ZNF146: variants seen among roughly 807,000 people sequenced by gnomAD.
ZNF146 encodes the protein zinc finger protein OZF.
Under a neutral mutation model 22.2 loss-of-function variants are expected in ZNF146, and 9 were observed. The ratio of observed to expected loss-of-function variants is 0.41; its 90% CI spans 0.24 to 0.71. The LOEUF (loss-of-function observed/expected upper bound fraction) is 0.71. Ranked by LOEUF, ZNF146 falls within the 30% of genes least tolerant of loss-of-function variation. The probability of loss-of-function intolerance (pLI) is 0.34; values close to 1 mark genes in which losing one functional copy is unlikely to be tolerated. For missense variants in ZNF146, 194 were observed against 344.8 expected (o/e 0.56, Z 3.46); for synonymous variants, 108 against 119.2 (o/e 0.91, Z 0.61).
In ZNF146 at chr19:36,237,469, A is replaced by T; in HGVS notation, c.*150A>T. 1 of 925,350 alleles carries T rather than the reference A, an allele frequency of 1.1e-6. No homozygotes were observed. Among genetic ancestry groups the T allele is most frequent in the Non-Finnish European group, 1.6e-6 (1 of 635,562 alleles). The allele number at this position is 925,350 out of a possible 1,614,324, so 57.3% of individuals were successfully genotyped here. A position where few individuals can be genotyped will look rare whatever the true frequency, so the allele number is the denominator to read the frequency against. The stretch of plus-strand genomic sequence containing the variant: ...ACTTAAGGGACACCAGAAAATTTGT[A>T]CTGAAGAGAAAGACATGCATATGAT... On this transcript the variant is annotated 3_prime_UTR_variant, in exon 4 of 4. Coordinates refer to ENST00000443387, the MANE Select transcript of ZNF146 (RefSeq NM_007145.3).
chr19:36,233,845 G>T (rs1017987120), intron 3 of ZNF146, among the ~76,000 whole-genome samples: 8 of 152,174 alleles, frequency 5.3e-5, no homozygotes, highest in African/African-American at 1.7e-4. Flanking sequence ...GGAGACAGAT[G>T]CCTTCCTCTT....
intron 2 of ZNF146, among the ~76,000 whole-genome samples, chr19:36,222,867 G>GTATTTTAATTTTAATTTA (rs1375367589): frequency 1.5e-5 from 2 of 137,390 alleles, no homozygotes; most frequent in Non-Finnish European, 3.3e-5. Context: ...AGAAATAAGA[G>GTATTTTAATTTTAATTTA]GTTTTGTTTT....
rs2432041 is a variant in ZNF146, at chr19:36,218,949, C to T, written c.-855+754C>T. Among the ~76,000 whole-genome samples the T allele has an allele frequency of 0.021, 3,233 of 151,520 alleles. 344 individuals carry two copies. In the East Asian group the frequency reaches 0.34, roughly 16 times the overall value. On this transcript the variant is annotated intron_variant, in intron 2 of 3. Transcript: ENST00000443387. ...TTAGCCTCCCAAGTAGCTGGGACTA[C>T]GGGCGCCCACCACCACGTCCGGCTA...
intron 2 of ZNF146, among the ~76,000 whole-genome samples, chr19:36,220,506 A>T: frequency 6.6e-6 from 1 of 152,104 alleles, no homozygotes. Context: ...CTGGGACTAC[A>T]GGTGCATGCC....
chr19:36,221,846 A>G (rs1976854004), intron 2 of ZNF146, among the ~76,000 whole-genome samples: 1 of 151,434 alleles, frequency 6.6e-6, no homozygotes, highest in Non-Finnish European at 1.5e-5. Context: ...TACATAAAAG[A>G]TAGCATACCA....
intron 2 of ZNF146, among the ~76,000 whole-genome samples, chr19:36,223,073 C>T (rs931339290): frequency 6.6e-6 from 1 of 151,846 alleles, no homozygotes; most frequent in East Asian, 1.9e-4. Context: ...TCCCAAGTAG[C>T]GGGGACTACA....
At chr19:36,221,013 T>C (rs1976812401) in intron 2 of ZNF146, among the ~76,000 whole-genome samples, 1 of 151,140 alleles carries the variant, frequency 6.6e-6, no homozygotes, top group Non-Finnish European at 1.5e-5. Flanking sequence ...CCATGACGCC[T>C]AGCTAATTTT....
At chr19:36,222,087 A>G (rs1481444736) in intron 2 of ZNF146, among the ~76,000 whole-genome samples, 1 of 151,168 alleles carries the variant, frequency 6.6e-6, no homozygotes, top group African/African-American at 2.4e-5. Context: ...ACTCCACCAC[A>G]CCTGGCTTTT....
At chr19:36,231,447 G>A (rs755699668) in intron 3 of ZNF146, among the ~76,000 whole-genome samples, 14 of 152,142 alleles carry the variant, frequency 9.2e-5, no homozygotes, top group Admixed American at 2.0e-4. Context: ...GACCTCAAGT[G>A]ATCTGCCCGC....
intron 2 of ZNF146, among the ~76,000 whole-genome samples, chr19:36,222,192 G>A (rs1286979989): frequency 1.3e-5 from 2 of 151,958 alleles, no homozygotes; most frequent in East Asian, 1.9e-4. Flanking sequence ...CCAAAGTGTT[G>A]GGATTACAAG....
Position 36,237,342 on chromosome 19 carries a change from G to A in ZNF146, c.*23G>A, listed in dbSNP as rs1000108253. 3.8e-6 allele frequency: 6 copies of A among 1,562,312 alleles called. No individual in the cohort carries two copies. The highest frequency in any genetic ancestry group is 1.7e-4 in the Middle Eastern group (1 of 5,822). On this transcript the variant is annotated 3_prime_UTR_variant, in exon 4 of 4. Transcript: ENST00000443387. ...TAAAAACCCCATGAAAGCCTTGAAA[G>A]TGGGAAAGCTTTCATTAGAAATTTG...
rs1428622229 is a variant in ZNF146 at position 36,237,440 on chromosome 19, A to G, written c.*121A>G. On this transcript the variant is annotated 3_prime_UTR_variant, in exon 4 of 4. Transcript: ENST00000443387. ...AATGAGGTTAACTTTAACAAGTACT[A>G]AAAACTTAAGGGACACCAGAAAATT... is the stretch of plus-strand genomic sequence containing the variant. 10 of 1,291,420 alleles carry G rather than the reference A, an allele frequency of 7.7e-6. No individual in the cohort carries two copies. The East Asian group carries it at 1.3e-4, about 16-fold the overall frequency. The allele number at this position is 1,291,420 out of a possible 1,614,324, so 80.0% of individuals were successfully genotyped here.
In ZNF146 at chr19:36,235,821, C is replaced by T. The variant is rs758009639; in HGVS notation, c.-620C>T. On this transcript the variant is annotated 5_prime_UTR_variant, in exon 4 of 4. Transcript: ENST00000443387. ...TTCTCAGATCGTATTTGTTTTAAGG[C>T]CACACCTTTTTGAAGTTTTCAGTTT... The T allele has an allele frequency of 6.6e-6, 1 of 152,170 alleles. No individual in the cohort carries two copies. Among genetic ancestry groups the T allele is most frequent in the Non-Finnish European group, 1.5e-5 (1 of 68,046 alleles). 9.4% of individuals were successfully genotyped at this position (152,170 alleles called of 1,614,324 possible). A position where few individuals can be genotyped will look rare whatever the true frequency, so the allele number is the denominator to read the frequency against.
At position 36,230,275 on chromosome 19, in the gene ZNF146, G is replaced by T. The variant is rs897354922; in HGVS notation, c.-783+1456G>T. On this transcript the variant is annotated intron_variant, in intron 3 of 3. Transcript: ENST00000443387. Reference sequence around the variant, plus strand: ...AAGCTGATATATTCACATCCTACAAGTATTTATTGCATGATATGTATTAGG... The same window carrying T: ...AAGCTGATATATTCACATCCTACAATTATTTATTGCATGATATGTATTAGG... Among the ~76,000 whole-genome samples, 9 of 152,278 alleles carry T rather than the reference G, an allele frequency of 5.9e-5. No individual in the cohort carries two copies. In the East Asian group the frequency reaches 1.5e-3, roughly 26 times the overall value.
chr19:36,220,640 A>G (rs1221960041), intron 2 of ZNF146, among the ~76,000 whole-genome samples: 1 of 151,878 alleles, frequency 6.6e-6, no homozygotes, highest in Non-Finnish European at 1.5e-5. Flanking sequence ...CGCTGGGATT[A>G]CAGGCGTGAG....
chr19:36,229,540 C>T (rs1232837261), intron 3 of ZNF146, among the ~76,000 whole-genome samples: 2 of 152,114 alleles, frequency 1.3e-5, no homozygotes, highest in Non-Finnish European at 2.9e-5. Flanking sequence ...CACGTTTACG[C>T]GTGTCACGTA....
chr19:36,235,077 T>A (rs903447353), intron 3 of ZNF146, among the ~76,000 whole-genome samples: 1 of 152,034 alleles, frequency 6.6e-6, no homozygotes, highest in Non-Finnish European at 1.5e-5. Flanking sequence ...GGTATGGTGG[T>A]GCACACCTGT....
chr19:36,225,895 G>A (rs994511308), intron 2 of ZNF146, among the ~76,000 whole-genome samples: 2 of 151,470 alleles, frequency 1.3e-5, no homozygotes, highest in Non-Finnish European at 2.9e-5. Flanking sequence ...CAAGTAGCTG[G>A]GACTACAGGC....
chr19:36,228,275 C>CTAT (rs1977170462), intron 2 of ZNF146, among the ~76,000 whole-genome samples: 3 of 140,836 alleles, frequency 2.1e-5, no homozygotes, highest in East Asian at 4.3e-4. Context: ...ACAACTTCTT[C>CTAT]ACATTGTGCC....
Sources: gnomAD v4.1 joint callset for allele counts (sites outside exome capture counted in the v4.1 genomes callset) on GRCh38, gnomAD v4.1.1 for gene constraint, MANE v1.5 for transcripts, NCBI Gene and HGNC (gene_info 2026-07-23, HGNC 2026-07-21) for gene names.